Variants in ATP10B observed in about 807,000 individuals in gnomAD.
ATP10B encodes ATPase phospholipid transporting 10B (putative), also known as phospholipid-transporting ATPase VB.
In ATP10B, 122 loss-of-function variants were observed where a neutral mutation model predicts 141.2. The ratio of observed to expected loss-of-function variants is 0.86; its 90% confidence interval spans 0.75 to 1.00. ATP10B has a LOEUF of 1.00. ATP10B is among the 50% of genes least tolerant of loss of function. The pLI is 0.00. For synonymous variants in ATP10B, 685 were observed against 692.0 expected (o/e 0.99, Z 0.16); for missense variants, 1,876 against 1,825.3 (o/e 1.03, Z -0.51).
intron 1 of ATP10B, among the ~76,000 whole-genome samples, chr5:160,850,789 T>C (rs899588263): frequency 6.6e-6 from 1 of 152,178 alleles, no homozygotes; most frequent in Admixed American, 6.6e-5. Context: ...AAAAAATACA[T>C]GATGAAAACC....
intron 1 of ATP10B, among the ~76,000 whole-genome samples, chr5:160,835,622 C>A (rs1413151401): frequency 2.0e-5 from 3 of 152,036 alleles, no homozygotes; most frequent in Non-Finnish European, 4.4e-5. Context: ...TAAATATTAC[C>A]ACATCATTTT....
the ATP10B span, among the ~76,000 whole-genome samples, chr5:160,915,534 G>A: frequency 2.0e-5 from 3 of 152,150 alleles, no homozygotes. Flanking sequence ...GTTTTACCGT[G>A]TTGGCCAGGC....
chr5:160,776,441 G>A (rs780123893), intron 2 of ATP10B, among the ~76,000 whole-genome samples: 6 of 152,234 alleles, frequency 3.9e-5, no homozygotes, highest in African/African-American at 7.2e-5. Flanking sequence ...GGCTAGGTAT[G>A]TCCCAGGGGC....
the ATP10B span, among the ~76,000 whole-genome samples, chr5:160,874,014 G>C: frequency 4.9e-4 from 75 of 152,340 alleles, no homozygotes; most frequent in African/African-American, 1.7e-3. Flanking sequence ...CCAGAAGTTC[G>C]AACTGGGTGG....
chr5:160,790,142 C>T (rs1307161259), intron 1 of ATP10B, among the ~76,000 whole-genome samples: 1 of 152,158 alleles, frequency 6.6e-6, no homozygotes, highest in Non-Finnish European at 1.5e-5. Context: ...TCCACCCAGA[C>T]AATTTGGATG....
intron 7 of ATP10B, among the ~76,000 whole-genome samples, chr5:160,653,751 A>G (rs972081807): frequency 8.2e-6 from 1 of 122,392 alleles, no homozygotes; most frequent in Non-Finnish European, 1.6e-5. Context: ...TATTACATAT[A>G]CATAAATATA....
intron 2 of ATP10B, among the ~76,000 whole-genome samples, chr5:160,771,819 T>G (rs7719913): frequency 6.6e-6 from 1 of 152,138 alleles, no homozygotes; most frequent in Admixed American, 6.5e-5. Flanking sequence ...AAGATGGTCC[T>G]CAAGATTCCT....
At chr5:160,842,524 G>GA (rs1775871120) in intron 1 of ATP10B, among the ~76,000 whole-genome samples, 1 of 151,774 alleles carries the variant, frequency 6.6e-6, no homozygotes, top group African/African-American at 2.4e-5. Flanking sequence ...TTGGTACTAT[G>GA]AAAAAGCTAA....
chr5:160,876,805 G>A, the ATP10B span, among the ~76,000 whole-genome samples: 1 of 150,348 alleles, frequency 6.7e-6, no homozygotes, highest in East Asian at 2.0e-4. Flanking sequence ...TAAATTCCTG[G>A]ACACATACAC....
At chr5:160,868,055 C>T in the ATP10B span, among the ~76,000 whole-genome samples, 1 of 152,102 alleles carries the variant, frequency 6.6e-6, no homozygotes, top group Admixed American at 6.6e-5. Context: ...CATAGTGTCA[C>T]AGCGTCACAA....
intron 2 of ATP10B, among the ~76,000 whole-genome samples, chr5:160,774,945 A>G (rs1770182597): frequency 6.6e-6 from 1 of 152,156 alleles, no homozygotes; most frequent in African/African-American, 2.4e-5. Context: ...AAGCCAGCAA[A>G]TGGGGAAAAA....
chr5:160,655,384 C>T (rs1761420235), intron 7 of ATP10B, among the ~76,000 whole-genome samples: 1 of 152,032 alleles, frequency 6.6e-6, no homozygotes. Context: ...TCATGTGCTG[C>T]CACCACTGCT....
At chr5:160,899,952 G>A in the ATP10B span, among the ~76,000 whole-genome samples, 1 of 152,176 alleles carries the variant, frequency 6.6e-6, no homozygotes, top group African/African-American at 2.4e-5. Context: ...GCAGAGGCAA[G>A]GAATCCCCCA....
chr5:160,755,838 A>ATATATAT (rs1336419143), intron 2 of ATP10B, among the ~76,000 whole-genome samples: 3 of 45,420 alleles, frequency 6.6e-5, no homozygotes, highest in Non-Finnish European at 1.2e-4. Flanking sequence ...AAAAAAAAAA[A>ATATATAT]ATATATATAT....
intron 2 of ATP10B, among the ~76,000 whole-genome samples, chr5:160,768,918 A>T (rs1347009073): frequency 6.6e-6 from 1 of 152,198 alleles, no homozygotes; most frequent in African/African-American, 2.4e-5. Flanking sequence ...AAACAGTGTG[A>T]CAGGTGAACT....
intron 13 of ATP10B, 82 bp downstream of exon 13, chr5:160,632,047 T>G (rs1758970365): frequency 1.5e-6 from 2 of 1,323,876 alleles, no homozygotes; most frequent in Admixed American, 4.5e-5. Flanking sequence ...GTTTGTACAA[T>G]TTTTTCTTTT....
At chr5:160,834,556 C>G (rs1405109421) in intron 1 of ATP10B, among the ~76,000 whole-genome samples, 1 of 152,056 alleles carries the variant, frequency 6.6e-6, no homozygotes. Context: ...TTATGAAATG[C>G]TATTGATGGA....
chr5:160,832,412 G>C (rs1399723600), intron 1 of ATP10B, among the ~76,000 whole-genome samples: 1 of 152,048 alleles, frequency 6.6e-6, no homozygotes, highest in African/African-American at 2.4e-5. Flanking sequence ...TGTACTAATA[G>C]GGAAAAATGC....
chr5:160,927,225 T>C, the ATP10B span, among the ~76,000 whole-genome samples: 1 of 152,248 alleles, frequency 6.6e-6, no homozygotes, highest in Non-Finnish European at 1.5e-5. Context: ...GCGAGCAAAG[T>C]GCACTGGAAA....
Sources: allele counts gnomAD v4.1 joint callset (sites outside exome capture counted in the v4.1 genomes callset), GRCh38; gene constraint gnomAD v4.1.1; transcripts MANE v1.5; gene names NCBI Gene and HGNC (gene_info 2026-07-23, HGNC 2026-07-21).